F9: variants seen among roughly 807,000 people sequenced by gnomAD.
The protein encoded by F9 is Christmas factor.
F9 carries 2 observed loss-of-function variants against 34.1 expected under a neutral mutation model. The ratio of observed to expected loss-of-function variants is 0.06; its 90% CI spans 0.02 to 0.18. The LOEUF is 0.18. F9 is among the 10% of genes least tolerant of loss of function. The pLI is 1.00. For synonymous variants in F9, 137 were observed against 118.8 expected, an observed-to-expected ratio of 1.15 and a Z score of -1.00; for missense variants, 216 against 345.1, an observed-to-expected ratio of 0.63 and a Z score of 2.96.
Position 139,560,850 on chromosome X carries a change from T to C in F9, c.833T>C (p.Val278Ala), listed in dbSNP as rs779652204. 1 of 1,174,230 alleles carries C rather than the reference T, an allele frequency of 8.5e-7. No homozygotes were observed. Among genetic ancestry groups the C allele is most frequent in the Non-Finnish European group, 1.2e-6 (1 of 861,342 alleles). ...CVETGVKITV[V>A]AGEHNIEETE... ...GAAACTGGTGTTAAAATTACAGTTG[T>C]CGCAGGTAAATACACAGAAAGAATA... The change falls in exon 7 of 8, where the codon GTC (valine) becomes GCC (alanine). Residue 278 changes from valine (V) to alanine (A), a missense_variant. Val to Ala is a moderately conservative substitution (Grantham distance 64). Around this residue, in one of 2 missense-constraint regions of F9, gnomAD observed 177 missense variants for 311.8 expected, o/e 0.57. Transcript: ENST00000218099.
intron 7 of F9, 58 bp from the exon 8 acceptor site, chrX:139,561,466 G>T: frequency 9.4e-7 from 1 of 1,061,099 alleles, no homozygotes; most frequent in South Asian, 2.0e-5. Flanking sequence ...TAGTCACTTA[G>T]AAAATCTGTG....
chrX:139,559,892 A>C (rs1472315046), intron 6 of F9, among the ~76,000 whole-genome samples: 1 of 112,309 alleles, frequency 8.9e-6, no homozygotes, highest in Non-Finnish European at 1.9e-5. Flanking sequence ...GGATCAAGGC[A>C]CTTGCTTACA....
chrX:139,553,562 A>T (rs1927893181), intron 6 of F9, among the ~76,000 whole-genome samples: 1 of 111,242 alleles, frequency 9.0e-6, no homozygotes, highest in African/African-American at 3.3e-5. Flanking sequence ...AGAATATATT[A>T]GCTAAGAAGA....
chrX:139,551,996 C>T (rs1927856494), intron 6 of F9, among the ~76,000 whole-genome samples: 1 of 110,429 alleles, frequency 9.1e-6, no homozygotes, highest in Non-Finnish European at 1.9e-5. Flanking sequence ...TTGAGACCAG[C>T]CTGGGCAACA....
intron 6 of F9, among the ~76,000 whole-genome samples, chrX:139,557,524 ATC>A (rs1300283096): frequency 3.6e-5 from 4 of 111,929 alleles, no homozygotes; most frequent in Non-Finnish European, 7.5e-5. Context: ...CTACATCATA[ATC>A]TCTCTGCCCA....
At chrX:139,548,064 T>C (rs1229996496) in intron 4 of F9, among the ~76,000 whole-genome samples, 2 of 112,250 alleles carry the variant, frequency 1.8e-5, no homozygotes, top group African/African-American at 6.5e-5. Context: ...TGTTATACAT[T>C]AATAAATAGG....
rs754291960 is a variant in F9 at position 139,558,970 on chromosome X, T to G, written c.724-1771T>G. Among the ~76,000 whole-genome samples, 3 of 112,016 alleles carry G rather than the reference T, an allele frequency of 2.7e-5. No homozygotes were observed. The East Asian group carries it at 8.4e-4, about 32-fold the overall frequency. ...GCACAAATTCTGGAGCCGGGCAGAC[T>G]TGAGTTTGCTTCCTAGCTTTACCAA... On this transcript the variant is annotated intron_variant, in intron 6 of 7. Coordinates refer to ENST00000218099, the MANE Select transcript of F9 (RefSeq NM_000133.4).
intron 1 of F9, among the ~76,000 whole-genome samples, chrX:139,534,081 G>C (rs909690618): frequency 4.6e-4 from 52 of 111,832 alleles, no homozygotes; most frequent in African/African-American, 1.6e-3. Flanking sequence ...TTATTCTTTA[G>C]GTCATTCCTG....
chrX:139,532,801 C>T (rs949514671), intron 1 of F9, among the ~76,000 whole-genome samples: 2 of 111,962 alleles, frequency 1.8e-5, no homozygotes, highest in Non-Finnish European at 3.8e-5. Context: ...CTCAGATTTG[C>T]AAGAACGTGA....
Position 139,560,871 on chromosome X carries a change from G to T in F9, c.838+16G>T, listed in dbSNP as rs1290850016. 7.5e-6 allele frequency: 8 copies of T among 1,071,284 alleles called. No homozygotes were observed. Among genetic ancestry groups the T allele is most frequent in the African/African-American group, 1.8e-5 (1 of 54,552 alleles). The allele number at this position is 1,071,284 out of a possible 1,213,427, so 88.3% of individuals were successfully genotyped here. A position where few individuals can be genotyped will look rare whatever the true frequency, so the allele number is the denominator to read the frequency against. ...GTTGTCGCAGGTAAATACACAGAAA[G>T]AATAATAATCTGCAGCACCACTAGC... is the stretch of plus-strand genomic sequence containing the variant. On this transcript the variant is annotated intron_variant, in intron 7 of 7. Coordinates refer to ENST00000218099, the MANE Select transcript of F9 (RefSeq NM_000133.4).
rs1362169725 is a variant in F9, at chrX:139,548,246, G to A, written c.392-117G>A. On this transcript the variant is annotated intron_variant, in intron 4 of 7. Coordinates refer to ENST00000218099, the MANE Select transcript of F9 (RefSeq NM_000133.4). ...AAAATTTCTCTCCCCAACGTATATT[G>A]GGGGCAACATGAATGCCCCCAATGT... 2.4e-5 allele frequency: 19 copies of A among 787,180 alleles called. No individual in the cohort carries two copies. In the East Asian group the frequency reaches 5.6e-4, roughly 23 times the overall value. The allele number at this position is 787,180 out of a possible 1,213,427, so 64.9% of individuals were successfully genotyped here. A position where few individuals can be genotyped will look rare whatever the true frequency, so the allele number is the denominator to read the frequency against.
chrX:139,559,425 C>A (rs745524625), intron 6 of F9, among the ~76,000 whole-genome samples: 49 of 110,912 alleles, frequency 4.4e-4, no homozygotes, highest in African/African-American at 1.6e-3. Context: ...TGGTGGCATG[C>A]GCCTGTAGTC....
chrX:139,541,958 G>A (rs1603264817), intron 4 of F9, among the ~76,000 whole-genome samples: 1 of 111,684 alleles, frequency 9.0e-6, no homozygotes, highest in East Asian at 2.8e-4. Context: ...TACTGTGATT[G>A]AGAAACGCAC....
At chrX:139,540,996 T>C in intron 3 of F9, 80 bp from the exon 4 acceptor site, 1 of 723,788 alleles carries the variant, frequency 1.4e-6, no homozygotes, top group Non-Finnish European at 2.1e-6. Context: ...CAGACTCCCA[T>C]CCCAATGAGT....
intron 1 of F9, 108 bp downstream of exon 1, chrX:139,530,960 T>C: frequency 1.4e-6 from 1 of 691,184 alleles, no homozygotes. Flanking sequence ...GACAGCAATA[T>C]TGAAGAGTCT....
In F9 at chrX:139,536,063, G is replaced by A. The variant is rs777717091; in HGVS notation, c.89-947G>A. ...ATTATAACCTTATGGGACCACTGTC[G>A]TATAATGTGGTCCATCATTGACCAA... On this transcript the variant is annotated intron_variant, in intron 1 of 7. Transcript: ENST00000218099. 3.8e-4 allele frequency among the ~76,000 whole-genome samples: 41 copies of A among 108,176 alleles called. No homozygotes were observed. The South Asian group carries it at 8.4e-3, about 22-fold the overall frequency. 93.9% of individuals were successfully genotyped at this position (108,176 alleles called of 115,157 possible).
chrX:139,553,843 T>TAAAAAA, intron 6 of F9, among the ~76,000 whole-genome samples: 1 of 67,554 alleles, frequency 1.5e-5, no homozygotes, highest in Non-Finnish European at 2.9e-5. Context: ...AGTCCAAGAT[T>TAAAAAA]AAAAAAAAAA....
At chrX:139,543,230 G>A (rs1391144640) in intron 4 of F9, among the ~76,000 whole-genome samples, 1 of 110,658 alleles carries the variant, frequency 9.0e-6, no homozygotes, top group Non-Finnish European at 1.9e-5. Flanking sequence ...CTGCGAGAGA[G>A]AGGTGTAAAC....
rs746024518 is a variant in F9 at position 139,539,321 on chromosome X, C to G, written c.278-1755C>G. Among the ~76,000 whole-genome samples, 114 of 112,095 alleles carry G rather than the reference C, an allele frequency of 1.0e-3. 1 individual carries two copies. Among genetic ancestry groups the G allele is most frequent in the African/African-American group, 3.4e-3 (104 of 30,894 alleles). On this transcript the variant is annotated intron_variant, in intron 3 of 7. Coordinates refer to ENST00000218099, the MANE Select transcript of F9 (RefSeq NM_000133.4). ...TCTCCCAGTTGGGGAGTCATGAAGCCCAGAAGAGAAGCCAAATTCTCTGCT... is the reference window on the plus strand; with the variant it reads ...TCTCCCAGTTGGGGAGTCATGAAGCGCAGAAGAGAAGCCAAATTCTCTGCT...
Sources: gnomAD v4.1 joint callset for allele counts (sites outside exome capture counted in the v4.1 genomes callset) on GRCh38, gnomAD v4.1.1 for gene constraint, gnomAD v4.1.1 regional missense constraint, MANE v1.5 for transcripts, NCBI Gene and HGNC (gene_info 2026-07-23, HGNC 2026-07-21) for gene names.